Variants in TMEM177 observed in about 807,000 individuals in gnomAD.
TMEM177 encodes transmembrane protein 177.
TMEM177 carries 4 observed loss-of-function variants against 14.2 expected under a neutral mutation model. The observed-to-expected ratio is 0.28, with a 90% CI of 0.14 to 0.64. The LOEUF is 0.64. Among genes scored for constraint, TMEM177 ranks in the 30% least tolerant of loss-of-function variants. The pLI, the probability that TMEM177 is intolerant of heterozygous loss-of-function variation, is 0.82. For missense variants in TMEM177, 344 were observed against 405.2 expected (o/e 0.85, Z 1.30); for synonymous variants, 179 against 174.5 (o/e 1.03, Z -0.20).
At chr2:119,704,980 G>A in the TMEM177 span, among the ~76,000 whole-genome samples, 3 of 152,112 alleles carry the variant, frequency 2.0e-5, no homozygotes, top group Admixed American at 6.5e-5. Context: ...GGAAAGTTGC[G>A]GCTCTGGCTA....
chr2:119,691,005 C>T (rs1404811429), downstream of TMEM177, among the ~76,000 whole-genome samples: 1 of 152,210 alleles, frequency 6.6e-6, no homozygotes, highest in Non-Finnish European at 1.5e-5. Context: ...TTGGGAAGGC[C>T]CTTCTGGTTC....
At chr2:119,703,128 C>A in the TMEM177 span, among the ~76,000 whole-genome samples, 1 of 152,248 alleles carries the variant, frequency 6.6e-6, no homozygotes, top group Admixed American at 6.5e-5. Context: ...GCTTTACTAG[C>A]CTGCTAGGGA....
At chr2:119,697,712 C>T in the TMEM177 span, among the ~76,000 whole-genome samples, 1 of 152,202 alleles carries the variant, frequency 6.6e-6, no homozygotes, top group Admixed American at 6.5e-5. Context: ...CTTCCTCTCT[C>T]TCTCTCACTC....
the TMEM177 span, among the ~76,000 whole-genome samples, chr2:119,702,472 C>G: frequency 6.6e-6 from 1 of 152,088 alleles, no homozygotes; most frequent in East Asian, 1.9e-4. Context: ...ATTGGTGGCT[C>G]CTATGTCTTG....
chr2:119,689,297 A>G (rs1689061431), downstream of TMEM177, among the ~76,000 whole-genome samples: 2 of 152,168 alleles, frequency 1.3e-5, no homozygotes, highest in African/African-American at 4.8e-5. Context: ...TCAGAGTTCT[A>G]CCGAAGAGAC....
At chr2:119,709,883 T>C in the TMEM177 span, among the ~76,000 whole-genome samples, 1 of 152,246 alleles carries the variant, frequency 6.6e-6, no homozygotes, top group South Asian at 2.1e-4. Flanking sequence ...GATAGAGTCA[T>C]CCAGCTAATC....
downstream of TMEM177, among the ~76,000 whole-genome samples, chr2:119,691,265 A>T (rs1363663764): frequency 6.6e-6 from 1 of 152,046 alleles, no homozygotes; most frequent in Non-Finnish European, 1.5e-5. Flanking sequence ...AGCTTCCCTC[A>T]TATGTAAATG....
rs11684353 is a variant in TMEM177 at position 119,680,939 on chromosome 2, G to C, written c.86G>C (p.Gly29Ala). ...GTGGGTTCCTGTGCAGGCCTGTTTG[G>C]AGTTCCAATCTCGTACCACCTCTTC... ...LLVGSCAGLF[G>A]VPISYHLFPD... Residue 29 changes from glycine to alanine, a missense_variant, in exon 2 of 2, where the codon GGA (glycine) becomes GCA (alanine). Transcript: ENST00000272521. The C allele has an allele frequency of 0.15, 238,089 of 1,614,108 alleles. 17,752 individuals are homozygous for C. Among genetic ancestry groups the C allele is most frequent in the African/African-American group, 0.17 (12,747 of 75,018 alleles).
chr2:119,695,904 T>C, the TMEM177 span, among the ~76,000 whole-genome samples: 12 of 152,260 alleles, frequency 7.9e-5, no homozygotes, highest in African/African-American at 2.4e-4. Flanking sequence ...TTGGGAAGCC[T>C]CAGCAGCAAA....
At chr2:119,707,383 G>T in the TMEM177 span, among the ~76,000 whole-genome samples, 1 of 152,212 alleles carries the variant, frequency 6.6e-6, no homozygotes, top group Non-Finnish European at 1.5e-5. Context: ...ACGGATTTGG[G>T]TTAGGTCACC....
the TMEM177 span, chr2:119,698,785 TCAGGAGTTCGAGAC>T: frequency 6.6e-6 from 1 of 152,304 alleles, no homozygotes; most frequent in African/African-American, 2.4e-5. Context: ...TCACCTGAGG[TCAGGAGTTCGAGAC>T]CAGCCTGGCC....
the TMEM177 span, among the ~76,000 whole-genome samples, chr2:119,721,032 T>C: frequency 6.6e-6 from 1 of 152,250 alleles, no homozygotes; most frequent in African/African-American, 2.4e-5. Flanking sequence ...CTCAGGTTCC[T>C]GGCCCAGAGC....
the TMEM177 span, among the ~76,000 whole-genome samples, chr2:119,697,639 T>C: frequency 6.6e-6 from 1 of 152,158 alleles, no homozygotes; most frequent in East Asian, 1.9e-4. Flanking sequence ...CAGGCCCCCC[T>C]TCCCAGAAAA....
the TMEM177 span, among the ~76,000 whole-genome samples, chr2:119,702,995 C>G: frequency 6.6e-6 from 1 of 152,346 alleles, no homozygotes; most frequent in Admixed American, 6.5e-5. Context: ...GCACTGTTTC[C>G]CGCAGATGCC....
At chr2:119,699,016 C>T in the TMEM177 span, 18 of 196,934 alleles carry the variant, frequency 9.1e-5, no homozygotes, top group South Asian at 1.8e-3. Flanking sequence ...AGAAAGGACA[C>T]TTGTGAAACT....
chr2:119,692,161 C>T, the TMEM177 span, among the ~76,000 whole-genome samples: 4 of 152,218 alleles, frequency 2.6e-5, no homozygotes, highest in African/African-American at 9.6e-5. Flanking sequence ...TAAGGCTTTC[C>T]TTGTCAGCCA....
the TMEM177 span, among the ~76,000 whole-genome samples, chr2:119,702,350 G>A: frequency 6.6e-6 from 1 of 152,238 alleles, no homozygotes; most frequent in Admixed American, 6.5e-5. Flanking sequence ...CATCAGGAAT[G>A]TGGGGCCTCT....
the TMEM177 span, among the ~76,000 whole-genome samples, chr2:119,705,638 G>GTGTGTGTGTC: frequency 6.6e-6 from 1 of 151,590 alleles, no homozygotes; most frequent in African/African-American, 2.4e-5. Context: ...GTGTGTGTGT[G>GTGTGTGTGTC]TGTGTGTGTG....
Position 119,681,666 on chromosome 2 carries a change from G to A in TMEM177, c.813G>A (p.Leu271=). 6.2e-7 allele frequency: 1 copy of A among 1,614,214 alleles called. No homozygotes were observed. Among genetic ancestry groups the A allele is most frequent in the Non-Finnish European group, 8.5e-7 (1 of 1,180,044 alleles). ...RSLLGKDGEK[L]YTPSGNIVPR... Reference sequence around the variant, plus strand: ...TCTTGGGCAAAGACGGGGAGAAGCTGTATACACCCAGCGGGAACATCGTCC... The same window carrying A: ...TCTTGGGCAAAGACGGGGAGAAGCTATATACACCCAGCGGGAACATCGTCC... Residue 271 remains leucine (L), a synonymous_variant, in exon 2 of 2, where the codon CTG becomes CTA. Coordinates refer to ENST00000272521, the MANE Select transcript of TMEM177 (RefSeq NM_030577.3).
Sources: allele counts gnomAD v4.1 joint callset (sites outside exome capture counted in the v4.1 genomes callset), GRCh38; gene constraint gnomAD v4.1.1; transcripts MANE v1.5; gene names NCBI Gene and HGNC (gene_info 2026-07-23, HGNC 2026-07-21).